The following FANCI variants were observed in gnomAD, a reference collection of about 807,000 sequenced individuals.
The protein encoded by FANCI is Fanconi anemia group I protein.
Under a neutral mutation model 176.1 loss-of-function variants are expected in FANCI, and 156 were observed. The observed-to-expected ratio is 0.89, with a 90% CI of 0.78 to 1.01. The LOEUF (loss-of-function observed/expected upper bound fraction) is 1.01, where lower values mean the gene tolerates loss of function less well. Ranked by LOEUF, FANCI falls within the 50% of genes least tolerant of loss-of-function variation. The pLI is 0.00. For missense variants in FANCI, 1,678 were observed against 1,534.1 expected, an observed-to-expected ratio of 1.09 and a Z score of -1.57; for synonymous variants, 613 against 541.7, an observed-to-expected ratio of 1.13 and a Z score of -1.83.
chr15:89,306,697 T>A (rs1297002096), intron 32 of FANCI, among the ~76,000 whole-genome samples: 2 of 151,914 alleles, frequency 1.3e-5, no homozygotes, highest in Admixed American at 6.6e-5. Context: ...ATCTCAAAAA[T>A]TAAAAAAATA....
chr15:89,310,035 A>G (rs2054893794), intron 34 of FANCI, among the ~76,000 whole-genome samples: 1 of 152,232 alleles, frequency 6.6e-6, no homozygotes, highest in Non-Finnish European at 1.5e-5. Flanking sequence ...TTATCCCCAT[A>G]TGCATGATGA....
chr15:89,260,117 T>C (rs2052653632), intron 3 of FANCI, among the ~76,000 whole-genome samples: 1 of 152,190 alleles, frequency 6.6e-6, no homozygotes, highest in African/African-American at 2.4e-5. Flanking sequence ...ACACTTGTTA[T>C]TATCTTTTTT....
intron 18 of FANCI, among the ~76,000 whole-genome samples, chr15:89,288,620 C>CT (rs35459053): frequency 0.35 from 49,578 of 140,904 alleles, 8,864 homozygotes; most frequent in Non-Finnish European, 0.4. Context: ...TCTTCTATTA[C>CT]TTTTTTTTTT....
At chr15:89,247,598 T>C (rs1368256395) in intron 1 of FANCI, 31 bp from the exon 2 acceptor site, 2 of 1,478,112 alleles carry the variant, frequency 1.4e-6, no homozygotes, top group African/African-American at 2.8e-5. Flanking sequence ...TTCTGGAATC[T>C]TCACCCACCT....
chr15:89,249,544 C>T (rs1038629136), intron 2 of FANCI, among the ~76,000 whole-genome samples: 2 of 152,082 alleles, frequency 1.3e-5, no homozygotes, highest in African/African-American at 4.8e-5. Context: ...GATGGGGTTT[C>T]GCCATGCTTT....
intron 9 of FANCI, among the ~76,000 whole-genome samples, chr15:89,266,714 T>C (rs1463085764): frequency 6.7e-6 from 1 of 149,718 alleles, no homozygotes; most frequent in African/African-American, 2.5e-5. Flanking sequence ...CTTCAGGCGA[T>C]CTCCTGCCTC....
rs185787514 is a variant in FANCI, at chr15:89,278,592, T to A, written c.1294-95T>A. On this transcript the variant is annotated intron_variant, in intron 13 of 37. Transcript: ENST00000310775. ...ATTCTGATTTTTTGAGTTTTACTCA[T>A]ATCCAAACGGTTCTTCATGCTGCCT... 5.2e-4 allele frequency: 446 copies of A among 860,176 alleles called. 2 individuals carry two copies. In the African/African-American group the frequency reaches 6.4e-3, roughly 12 times the overall value. The allele number at this position is 860,176 out of a possible 1,614,324, so 53.3% of individuals were successfully genotyped here.
intron 9 of FANCI, among the ~76,000 whole-genome samples, chr15:89,266,471 G>A (rs981471044): frequency 6.6e-6 from 1 of 151,898 alleles, no homozygotes; most frequent in East Asian, 1.9e-4. Context: ...TGGGGTTACA[G>A]GTGCGTGCCA....
chr15:89,313,973 TCACACACACACA>T lies in FANCI; in HGVS notation c.3721-620_3721-609del, dbSNP rs139859584. ...TCACGTTAGGGGGAAAGATATATAA[TCACACACACACA>T]CACACACACACACACACAAATGTAG... On this transcript the variant is annotated intron_variant, in intron 35 of 37. Transcript: ENST00000310775. 1.8e-3 allele frequency among the ~76,000 whole-genome samples: 177 copies of T among 98,352 alleles called. 2 individuals carry two copies. Among genetic ancestry groups the T allele is most frequent in the African/African-American group, 2.3e-3 (55 of 23,430 alleles). The allele number at this position is 98,352 out of a possible 152,430, so 64.5% of individuals were successfully genotyped here.
chr15:89,315,262 T>C lies in FANCI; in HGVS notation c.3817-20T>C. 2 of 1,582,266 alleles carry C rather than the reference T, an allele frequency of 1.3e-6. No individual in the cohort carries two copies. Among genetic ancestry groups the C allele is most frequent in the Non-Finnish European group, 1.7e-6 (2 of 1,150,992 alleles). ...GACCTATGAGTAGGGAGATGTCCCA[T>C]GCTTACAATCTTGTCATAGGTGAAC... On this transcript the variant is annotated intron_variant, in intron 36 of 37. Coordinates refer to ENST00000310775, the MANE Select transcript of FANCI (RefSeq NM_001113378.2).
chr15:89,274,296 G>A lies in FANCI; in HGVS notation c.1104G>A (p.Val368=). The part of the protein sequence containing the change: ...SYVSTMILEV[V]KNSVHSWDHV... ...TTTCAACCATGATCTTGGAAGTAGT[G>A]AAGAATAGGTAAGTTGGTGAACCAT... Residue 368 remains valine, a synonymous_variant, in exon 12 of 38, where the codon GTG becomes GTA. Coordinates refer to ENST00000310775, the MANE Select transcript of FANCI (RefSeq NM_001113378.2). 1 of 1,613,598 alleles carries A rather than the reference G, an allele frequency of 6.2e-7. No homozygotes were observed. Among genetic ancestry groups the A allele is most frequent in the South Asian group, 1.1e-5 (1 of 91,044 alleles).
intron 35 of FANCI, among the ~76,000 whole-genome samples, chr15:89,314,324 A>G (rs1409658930): frequency 6.6e-6 from 1 of 152,240 alleles, no homozygotes; most frequent in East Asian, 1.9e-4. Flanking sequence ...TCAAGTCAGA[A>G]AAGCAACTAA....
intron 1 of FANCI, among the ~76,000 whole-genome samples, chr15:89,244,449 C>T (rs2051854359): frequency 6.6e-6 from 1 of 152,242 alleles, no homozygotes; most frequent in Admixed American, 6.5e-5. Flanking sequence ...CGGCGGGGCT[C>T]TGCCATTCTC....
chr15:89,253,241 A>G (rs1039565886), intron 2 of FANCI, among the ~76,000 whole-genome samples: 1 of 152,242 alleles, frequency 6.6e-6, no homozygotes, highest in African/African-American at 2.4e-5. Flanking sequence ...TTGACAAATG[A>G]TATTGGAACA....
At position 89,276,755 on chromosome 15, in the gene FANCI, G is replaced by A. The variant is rs149592580; in HGVS notation, c.1157G>A (p.Gly386Asp). ...DHVTQGLVEL[G>D]FILMDSYGPK... ...GTTACTCAGGGCCTCGTAGAACTTG[G>A]TTTCATTTTGATGGATTCATATGGG... Residue 386 changes from glycine (G) to aspartate (D), a missense_variant, in exon 13 of 38, where the codon GGT (glycine) becomes GAT (aspartate). By Grantham distance (94) the Gly-to-Asp change is moderately conservative. This residue lies in a region of FANCI where 5 missense variants were observed against 19.8 expected (regional missense o/e 0.25). Transcript: ENST00000310775. 13 of 1,614,044 alleles carry A rather than the reference G, an allele frequency of 8.1e-6. No individual in the cohort carries two copies. The highest frequency in any genetic ancestry group is 1.1e-5 in the Non-Finnish European group (13 of 1,180,046).
Position 89,294,919 on chromosome 15 carries a change from A to G in FANCI, c.2461A>G (p.Ser821Gly). The G allele has an allele frequency of 6.4e-7, 1 of 1,552,106 alleles. No homozygotes were observed. The highest frequency in any genetic ancestry group is 8.7e-7 in the Non-Finnish European group (1 of 1,147,050). The change falls in exon 24 of 38, where the codon AGT becomes GGT. Residue 821 changes from serine (S) to glycine (G), a missense_variant. Coordinates refer to ENST00000310775, the MANE Select transcript of FANCI (RefSeq NM_001113378.2). ...SSLLTALFRD[S>G]IQSHQESLSV... ...TCTCTCTCTGTCTCTCTCTAGGGAT[A>G]GTATCCAAAGCCACCAAGAAAGCCT...
intron 18 of FANCI, among the ~76,000 whole-genome samples, chr15:89,286,194 T>A (rs1398727174): frequency 1.3e-5 from 2 of 152,188 alleles, no homozygotes; most frequent in African/African-American, 4.8e-5. Context: ...GATTTCACCA[T>A]GTTGGCCAGG....
At chr15:89,244,379 A>G (rs1194024461) in intron 1 of FANCI, 2 of 151,892 alleles carry the variant, frequency 1.3e-5, no homozygotes, top group African/African-American at 4.8e-5. Context: ...TAGTTTTTGT[A>G]TTTGCGCTCA....
rs138728093 is a variant in FANCI at position 89,280,726 on chromosome 15, T to G, written c.1382-444T>G. Among the ~76,000 whole-genome samples the G allele has an allele frequency of 2.7e-3, 404 of 152,342 alleles. 8 individuals carry two copies. Among genetic ancestry groups the G allele is most frequent in the East Asian group, 0.015 (76 of 5,188 alleles). ...TGATATTGCTCTGTGATTTACCTCT[T>G]TAATTCTTTAAAAAAATTTTTTTAC... On this transcript the variant is annotated intron_variant, in intron 14 of 37. Transcript: ENST00000310775.
Sources: gnomAD v4.1 joint callset for allele counts (sites outside exome capture counted in the v4.1 genomes callset) on GRCh38, gnomAD v4.1.1 for gene constraint, gnomAD v4.1.1 regional missense constraint, MANE v1.5 for transcripts, NCBI Gene and HGNC (gene_info 2026-07-23, HGNC 2026-07-21) for gene names.